Variants in AARS1 observed in about 807,000 individuals in gnomAD.
The protein encoded by AARS1 is alanine--tRNA ligase, cytoplasmic.
AARS1 carries 72 observed loss-of-function variants against 108.9 expected under a neutral mutation model. That is an observed-to-expected ratio of 0.66 (90% CI 0.55 to 0.80). The LOEUF is 0.80. Among genes scored for constraint, AARS1 ranks in the 30% least tolerant of loss-of-function variants. The probability of loss-of-function intolerance (pLI) is 0.00; values close to 1 mark genes in which losing one functional copy is unlikely to be tolerated. For missense variants in AARS1, 1,193 were observed against 1,233.2 expected (o/e 0.97, Z 0.49); for synonymous variants, 489 against 465.7 (o/e 1.05, Z -0.64).
rs977713358 is a variant in AARS1, at chr16:70,289,497, G to C, written c.-98C>G. The C allele has an allele frequency of 2.2e-6, 1 of 446,834 alleles. No homozygotes were observed. The highest frequency in any genetic ancestry group is 2.4e-5 in the Admixed American group (1 of 42,130). 27.7% of individuals were successfully genotyped at this position (446,834 alleles called of 1,614,324 possible). A position where few individuals can be genotyped will look rare whatever the true frequency, so the allele number is the denominator to read the frequency against. On this transcript the variant is annotated 5_prime_UTR_variant, in exon 1 of 21. Coordinates refer to ENST00000261772, the MANE Select transcript of AARS1 (RefSeq NM_001605.3). ...GCCCGCTGCACCTATTCCCGCAGAC[G>C]CGCAGCTGTACCGGCCTCAGACCAC... is the stretch of plus-strand genomic sequence containing the variant.
At chr16:70,285,111 C>G (rs896413016) in intron 1 of AARS1, among the ~76,000 whole-genome samples, 1 of 152,060 alleles carries the variant, frequency 6.6e-6, no homozygotes, top group Non-Finnish European at 1.5e-5. Flanking sequence ...TGCCTGTAAT[C>G]CCAGCTACTC....
chr16:70,289,166 C>T (rs78479085), intron 1 of AARS1, among the ~76,000 whole-genome samples: 5,531 of 152,098 alleles, frequency 0.036, 145 homozygotes, highest in East Asian at 0.11. Context: ...GGATTAAAAC[C>T]AAGGGAGCTA....
Position 70,265,116 on chromosome 16 carries a change from A to G in AARS1, c.1348-14T>C, listed in dbSNP as rs967381184. Reference sequence around the variant, plus strand: ...CTGTGATTTCAGCTGTCAGCAAGAGAAACAAGCATAAGTTACCGTAAAGTA... The same window carrying G: ...CTGTGATTTCAGCTGTCAGCAAGAGGAACAAGCATAAGTTACCGTAAAGTA... On this transcript the variant is annotated splice_polypyrimidine_tract_variant and intron_variant, in intron 10 of 20. Transcript: ENST00000261772. 6.2e-7 allele frequency: 1 copy of G among 1,613,864 alleles called. No homozygotes were observed. Among genetic ancestry groups the G allele is most frequent in the African/African-American group, 1.3e-5 (1 of 74,918 alleles).
chr16:70,272,056 T>C, intron 4 of AARS1, 84 bp from the exon 5 acceptor site: 2 of 1,348,736 alleles, frequency 1.5e-6, no homozygotes, highest in Non-Finnish European at 1.1e-6. Context: ...AAGAAATTCT[T>C]AGGATTGGCC....
rs377325175 is a variant in AARS1, at chr16:70,253,253, C to T, written c.2721+15G>A. 1.6e-5 allele frequency: 25 copies of T among 1,581,910 alleles called. No individual in the cohort carries two copies. The highest frequency in any genetic ancestry group is 1.0e-4 in the South Asian group (9 of 90,270). On this transcript the variant is annotated intron_variant, in intron 20 of 20. Coordinates refer to ENST00000261772, the MANE Select transcript of AARS1 (RefSeq NM_001605.3). ...TAAGACCTAACACTTCCCACTGGTG[C>T]GAGGTGGTGCTGACCTGGGGAACTT...
intron 15 of AARS1, among the ~76,000 whole-genome samples, chr16:70,256,195 G>C (rs1200605336): frequency 6.6e-6 from 1 of 152,118 alleles, no homozygotes; most frequent in Non-Finnish European, 1.5e-5. Flanking sequence ...CAATTTTGGA[G>C]GATTACTTTT....
chr16:70,253,588 C>A, intron 19 of AARS1, 126 bp downstream of exon 19: 1 of 1,205,390 alleles, frequency 8.3e-7, no homozygotes, highest in Non-Finnish European at 1.2e-6. Flanking sequence ...AGCTGCTGCT[C>A]CTCCCAATCT....
Position 70,267,782 on chromosome 16 carries a change from CCTT to C in AARS1, c.1096_1098del (p.Lys366del). 2 of 1,614,154 alleles carry C rather than the reference CCTT, an allele frequency of 1.2e-6. No individual in the cohort carries two copies. Among genetic ancestry groups the C allele is most frequent in the Non-Finnish European group, 8.5e-7 (1 of 1,180,026 alleles). On this transcript the variant is annotated inframe_deletion, in exon 9 of 21. Transcript: ENST00000261772. ...ATGATGTCCTTCACCATGTCTGGGT[CCTT>C]CTTCAGCTCAGGAAATGCATCTCCC...
chr16:70,272,517 A>C (rs867134296), intron 4 of AARS1, among the ~76,000 whole-genome samples: 2 of 147,950 alleles, frequency 1.4e-5, no homozygotes, highest in Non-Finnish European at 3.0e-5. Context: ...AAAAAAAAAA[A>C]AAAAAAAAAA....
intron 14 of AARS1, among the ~76,000 whole-genome samples, 196 bp from the exon 15 acceptor site, chr16:70,258,413 A>T (rs1219540733): frequency 6.6e-6 from 1 of 152,208 alleles, no homozygotes; most frequent in African/African-American, 2.4e-5. Flanking sequence ...CTATTTTGTT[A>T]AACTGTGGAC....
At chr16:70,278,347 C>T (rs1162394079) in intron 2 of AARS1, among the ~76,000 whole-genome samples, 1 of 151,928 alleles carries the variant, frequency 6.6e-6, no homozygotes, top group Non-Finnish European at 1.5e-5. Context: ...GGGCGGATCA[C>T]CTGAGGTCGG....
intron 1 of AARS1, among the ~76,000 whole-genome samples, chr16:70,283,981 G>A (rs1960775475): frequency 6.6e-6 from 1 of 151,112 alleles, no homozygotes; most frequent in Non-Finnish European, 1.5e-5. Context: ...GGAGACCGAG[G>A]TGGCAGAATT....
At chr16:70,255,193 C>CTTTTTTTTTTTTTTTTTTTTTTT (rs1567601605) in intron 16 of AARS1, among the ~76,000 whole-genome samples, 1 of 124,740 alleles carries the variant, frequency 8.0e-6, no homozygotes, top group African/African-American at 3.2e-5. Flanking sequence ...GCCAGATTCA[C>CTTTTTTTTTTTTTTTTTTTTTTT]ATTTTTTTTT....
chr16:70,278,946 T>C (rs112129984), intron 2 of AARS1, among the ~76,000 whole-genome samples: 1 of 152,168 alleles, frequency 6.6e-6, no homozygotes, highest in Admixed American at 6.5e-5. Flanking sequence ...AGTGCCTCAG[T>C]AGGGATGGCA....
chr16:70,263,214 A>T lies in AARS1; in HGVS notation c.1493-690T>A, dbSNP rs114525231. 4.9e-3 allele frequency among the ~76,000 whole-genome samples: 752 copies of T among 152,196 alleles called. 6 individuals carry two copies. The highest frequency in any genetic ancestry group is 0.018 in the African/African-American group (732 of 41,528). ...CTTTAAGAGTAGTAATAAATTCCCTAGTCCAAGGTCAACTCACAAAGAATG... is the reference window on the plus strand; with the variant it reads ...CTTTAAGAGTAGTAATAAATTCCCTTGTCCAAGGTCAACTCACAAAGAATG... On this transcript the variant is annotated intron_variant, in intron 11 of 20. Transcript: ENST00000261772.
intron 1 of AARS1, among the ~76,000 whole-genome samples, chr16:70,286,886 C>T (rs1460474455): frequency 1.3e-5 from 2 of 151,614 alleles, no homozygotes; most frequent in Non-Finnish European, 2.9e-5. Context: ...GGGGCCGAGG[C>T]GGGTGGATCA....
rs773114681 is a variant in AARS1, at chr16:70,255,843, G to A, written c.2178-7C>T. On this transcript the variant is annotated splice_polypyrimidine_tract_variant and splice_region_variant and intron_variant, in intron 15 of 20. Coordinates refer to ENST00000261772, the MANE Select transcript of AARS1 (RefSeq NM_001605.3). ...ACTCGAGTTCCGCAGGTGCCTGAAT[G>A]GCAGAACACAAAGTCCATAGTGAAA... The A allele has an allele frequency of 6.8e-6, 11 of 1,611,076 alleles. No individual in the cohort carries two copies. Among genetic ancestry groups the A allele is most frequent in the Non-Finnish European group, 9.3e-6 (11 of 1,178,660 alleles).
At chr16:70,256,717 A>T (rs1043969186) in intron 15 of AARS1, among the ~76,000 whole-genome samples, 2 of 151,820 alleles carry the variant, frequency 1.3e-5, no homozygotes, top group African/African-American at 4.8e-5. Context: ...AAAGCCTTGA[A>T]CTCAATCCCC....
intron 19 of AARS1, 79 bp from the exon 20 acceptor site, chr16:70,253,460 G>A: frequency 8.0e-7 from 1 of 1,251,728 alleles, no homozygotes; most frequent in Non-Finnish European, 1.2e-6. Flanking sequence ...CCCTCAGAAG[G>A]CCTGCCACCC....
Sources: gnomAD v4.1 joint callset for allele counts (sites outside exome capture counted in the v4.1 genomes callset) on GRCh38, gnomAD v4.1.1 for gene constraint, MANE v1.5 for transcripts, NCBI Gene and HGNC (gene_info 2026-07-23, HGNC 2026-07-21) for gene names.